The following WRN variants were observed in gnomAD, a reference collection of about 807,000 sequenced individuals.
The protein encoded by WRN is bifunctional 3'-5' exonuclease/ATP-dependent helicase WRN.
In WRN, 149 loss-of-function variants were observed where a neutral mutation model predicts 180.7. The observed-to-expected ratio is 0.82, with a 90% CI of 0.72 to 0.94. The LOEUF is 0.94. Among genes scored for constraint, WRN ranks in the 40% least tolerant of loss-of-function variants. WRN has a pLI of 0.00. For missense variants in WRN, 1,661 were observed against 1,700.1 expected (o/e 0.98, Z 0.40); for synonymous variants, 548 against 568.9 (o/e 0.96, Z 0.52).
intron 17 of WRN, 68 bp from the exon 18 acceptor site, chr8:31,100,781 A>C: frequency 7.9e-7 from 1 of 1,270,892 alleles, no homozygotes; most frequent in Admixed American, 1.9e-5. Context: ...TCCTTTGGAG[A>C]TGTAGATGAG....
intron 1 of WRN, among the ~76,000 whole-genome samples, chr8:31,047,147 T>A (rs957617710): frequency 1.3e-5 from 2 of 150,344 alleles, no homozygotes; most frequent in East Asian, 3.9e-4. Flanking sequence ...GATTTTTTTT[T>A]TTTTTTTTTT....
intron 1 of WRN, among the ~76,000 whole-genome samples, chr8:31,050,418 A>C (rs980082409): frequency 7.9e-5 from 12 of 152,218 alleles, no homozygotes; most frequent in African/African-American, 2.6e-4. Context: ...ATGTCCCCTA[A>C]TGAAATACTG....
At chr8:31,119,208 C>A (rs1197189853) in intron 20 of WRN, among the ~76,000 whole-genome samples, 1 of 151,674 alleles carries the variant, frequency 6.6e-6, no homozygotes, top group African/African-American at 2.4e-5. Context: ...CTCTTCCTTT[C>A]GTATTCCTGG....
At chr8:31,135,605 G>A (rs1262964222) in intron 24 of WRN, among the ~76,000 whole-genome samples, 1 of 152,132 alleles carries the variant, frequency 6.6e-6, no homozygotes, top group African/African-American at 2.4e-5. Flanking sequence ...GAAATTAGAG[G>A]AGTCTTTGTG....
chr8:31,054,389 AAC>A (rs1563324226), intron 1 of WRN, among the ~76,000 whole-genome samples: 2 of 151,706 alleles, frequency 1.3e-5, no homozygotes, highest in Non-Finnish European at 2.9e-5. Context: ...CAAAATAAAA[AAC>A]AATTTTTTTT....
chr8:31,081,445 G>C (rs1323067827), intron 9 of WRN, 149 bp downstream of exon 9: 14 of 822,538 alleles, frequency 1.7e-5, no homozygotes. Flanking sequence ...TAGTGTGAAA[G>C]CAGCCACAGA....
rs2130005482 is a variant in WRN at position 31,059,229 on chromosome 8, A to G, written c.173A>G (p.Asp58Gly). Residue 58 changes from aspartate (D) to glycine (G), a missense_variant, in exon 3 of 35, where the codon GAT (aspartate) becomes GGT (glycine). By Grantham distance (94) the Asp-to-Gly change is moderately conservative. Around this residue, in one of 3 missense-constraint regions of WRN, gnomAD observed 500 missense variants for 504.1 expected, o/e 0.99. Transcript: ENST00000298139. The part of the protein sequence containing the change: ...EFTGSIVYSY[D>G]ASDCSFLSED... ...ACTGGATCCATTGTGTATAGTTACG[A>G]TGCTAGTGATTGCTCTTTCCTGTCA... 6.2e-7 allele frequency: 1 copy of G among 1,613,802 alleles called. No homozygotes were observed. The highest frequency in any genetic ancestry group is 1.1e-5 in the South Asian group (1 of 91,076).
At chr8:31,120,175 A>C in intron 20 of WRN, 68 bp from the exon 21 acceptor site, 2 of 1,576,776 alleles carry the variant, frequency 1.3e-6, no homozygotes, top group Non-Finnish European at 1.7e-6. Context: ...TTCTTACAAA[A>C]AGGTATAAAT....
At chr8:31,072,854 T>C (rs547062990) in intron 7 of WRN, among the ~76,000 whole-genome samples, 9 of 152,164 alleles carry the variant, frequency 5.9e-5, no homozygotes, top group African/African-American at 1.9e-4. Flanking sequence ...GAGGGAGCCA[T>C]GTGGTTATCT....
In WRN at chr8:31,088,427, C is replaced by T. The variant is rs1358442454; in HGVS notation, c.1577-463C>T. On this transcript the variant is annotated intron_variant, in intron 12 of 34. Coordinates refer to ENST00000298139, the MANE Select transcript of WRN (RefSeq NM_000553.6). ...ATGACATTTAGGTAACTAAACTAAACGAGATTTTCGTAACTAAATTTTGGT... is the reference window on the plus strand; with the variant it reads ...ATGACATTTAGGTAACTAAACTAAATGAGATTTTCGTAACTAAATTTTGGT... 4.6e-5 allele frequency among the ~76,000 whole-genome samples: 7 copies of T among 152,138 alleles called. No individual in the cohort carries two copies. The East Asian group carries it at 9.7e-4, about 21-fold the overall frequency.
intron 11 of WRN, among the ~76,000 whole-genome samples, chr8:31,086,953 A>G (rs907597479): frequency 2.0e-5 from 3 of 152,196 alleles, no homozygotes; most frequent in African/African-American, 7.2e-5. Flanking sequence ...AGAGAACTCT[A>G]TTTTAAACAT....
chr8:31,127,150 A>G (rs1161285875), intron 23 of WRN, among the ~76,000 whole-genome samples: 1 of 152,224 alleles, frequency 6.6e-6, no homozygotes, highest in Non-Finnish European at 1.5e-5. Flanking sequence ...AACATTTAGA[A>G]GACAAAATAA....
chr8:31,174,809 C>G lies in WRN; in HGVS notation c.*1707C>G, dbSNP rs1425975412. Among the ~76,000 whole-genome samples the G allele has an allele frequency of 1.9e-5, 2 of 104,496 alleles. No homozygotes were observed. The highest frequency in any genetic ancestry group is 4.1e-5 in the Non-Finnish European group (2 of 49,094). 68.6% of individuals were successfully genotyped at this position (104,496 alleles called of 152,430 possible). Reference sequence around the variant, plus strand: ...CCCTTCCCTTCCCCTTCCTTCCTTCCTTCCTTCCTTCCTCCCTCCCTCCCT... The same window carrying G: ...CCCTTCCCTTCCCCTTCCTTCCTTCGTTCCTTCCTTCCTCCCTCCCTCCCT... On this transcript the variant is annotated 3_prime_UTR_variant, in exon 35 of 35. Coordinates refer to ENST00000298139, the MANE Select transcript of WRN (RefSeq NM_000553.6).
intron 18 of WRN, among the ~76,000 whole-genome samples, chr8:31,109,101 C>T (rs993657222): frequency 5.3e-5 from 8 of 152,270 alleles, no homozygotes; most frequent in African/African-American, 1.9e-4. Flanking sequence ...TCAGGCCTTT[C>T]GGCAGTACCG....
Position 31,091,915 on chromosome 8 carries a change from C to T in WRN, c.1898+17C>T, listed in dbSNP as rs1813762738. ...TATTAAATTGTGAGTAATTTTTTTC[C>T]CTCAACTTTTATTTTGGATTTATGG... On this transcript the variant is annotated intron_variant, in intron 16 of 34. Transcript: ENST00000298139. The T allele has an allele frequency of 6.2e-7, 1 of 1,609,962 alleles. No individual in the cohort carries two copies. The highest frequency in any genetic ancestry group is 1.7e-5 in the Admixed American group (1 of 59,776).
At chr8:31,091,151 G>C (rs1813734822) in intron 15 of WRN, among the ~76,000 whole-genome samples, 1 of 152,052 alleles carries the variant, frequency 6.6e-6, no homozygotes, top group Non-Finnish European at 1.5e-5. Flanking sequence ...AGGTGGCCCT[G>C]ATAAAATTTT....
chr8:31,128,703 C>G (rs1035272442), intron 23 of WRN, among the ~76,000 whole-genome samples: 3 of 152,004 alleles, frequency 2.0e-5, no homozygotes, highest in African/African-American at 4.8e-5. Context: ...ACTAAAAATA[C>G]AAAAAATTAG....
intron 27 of WRN, 39 bp from the exon 28 acceptor site, chr8:31,143,511 G>A: frequency 7.0e-7 from 1 of 1,430,550 alleles, no homozygotes; most frequent in African/African-American, 1.4e-5. Flanking sequence ...AAAGTTTTTT[G>A]AAACTTTTTT....
chr8:31,073,975 GGC>G (rs1452891250), intron 7 of WRN, among the ~76,000 whole-genome samples: 1 of 151,418 alleles, frequency 6.6e-6, no homozygotes, highest in African/African-American at 2.4e-5. Context: ...GGAGTGCAGT[GGC>G]GCGATCTCTG....
Sources: allele counts gnomAD v4.1 joint callset (sites outside exome capture counted in the v4.1 genomes callset), GRCh38; gene constraint gnomAD v4.1.1; regional missense constraint gnomAD v4.1.1; transcripts MANE v1.5; gene names NCBI Gene and HGNC (gene_info 2026-07-23, HGNC 2026-07-21).